Variants in ERBB4 observed in about 807,000 individuals in gnomAD.
The protein encoded by ERBB4 is receptor tyrosine-protein kinase erbB-4.
A neutral mutation model predicts 158.0 loss-of-function variants in ERBB4; 42 were observed. That is an observed-to-expected ratio of 0.27 (90% CI 0.21 to 0.34). The LOEUF (loss-of-function observed/expected upper bound fraction) is 0.34. Ranked by LOEUF, ERBB4 falls within the 10% of genes least tolerant of loss-of-function variation. ERBB4 has a pLI of 1.00. For missense variants in ERBB4, 1,333 were observed against 1,624.1 expected (o/e 0.82, Z 3.08); for synonymous variants, 583 against 558.7 (o/e 1.04, Z -0.61).
intron 20 of ERBB4, among the ~76,000 whole-genome samples, chr2:211,521,539 G>A (rs1162245145): frequency 6.6e-6 from 1 of 152,180 alleles, no homozygotes; most frequent in Non-Finnish European, 1.5e-5. Flanking sequence ...GCTGTAGCAA[G>A]TTATCCAGAA....
intron 7 of ERBB4, among the ~76,000 whole-genome samples, chr2:211,715,957 G>C (rs2073881205): frequency 1.3e-5 from 2 of 152,178 alleles, no homozygotes; most frequent in Admixed American, 6.5e-5. Flanking sequence ...ATTATAATTA[G>C]TCTTATATCA....
chr2:211,466,600 G>T (rs1005186019), intron 20 of ERBB4, among the ~76,000 whole-genome samples: 22 of 152,002 alleles, frequency 1.4e-4, no homozygotes, highest in Admixed American at 4.6e-4. Context: ...TCTGTGGGTG[G>T]CAGAAATAAA....
intron 1 of ERBB4, among the ~76,000 whole-genome samples, chr2:212,199,034 G>A (rs528611271): frequency 8.7e-4 from 132 of 152,080 alleles, no homozygotes; most frequent in Non-Finnish European, 1.5e-3. Context: ...GTGGAATTAC[G>A]GTAATTTTAT....
At chr2:212,046,105 A>AT (rs1021292597) in intron 2 of ERBB4, among the ~76,000 whole-genome samples, 3 of 152,190 alleles carry the variant, frequency 2.0e-5, no homozygotes, top group Non-Finnish European at 2.9e-5. Context: ...ATCCATGTTA[A>AT]TTTTTTTCAG....
intron 20 of ERBB4, among the ~76,000 whole-genome samples, chr2:211,523,350 T>C (rs1200159142): frequency 6.6e-6 from 1 of 150,512 alleles, no homozygotes; most frequent in Admixed American, 6.7e-5. Flanking sequence ...GAGAGTGCAG[T>C]GCTTTTGAGA....
chr2:212,444,468 G>A (rs184575952), intron 1 of ERBB4, among the ~76,000 whole-genome samples: 119 of 152,278 alleles, frequency 7.8e-4, no homozygotes, highest in African/African-American at 2.8e-3. Context: ...AAAGAAATCT[G>A]GGGAAGAGGT....
At chr2:212,428,710 A>G (rs950278717) in intron 1 of ERBB4, among the ~76,000 whole-genome samples, 2 of 152,206 alleles carry the variant, frequency 1.3e-5, no homozygotes, top group Admixed American at 6.6e-5. Flanking sequence ...AATAAAGTAA[A>G]ATAAAACCTT....
rs1330867161 is a variant in ERBB4, at chr2:211,379,913, CT to C, written c.*3701del. The C allele has an allele frequency of 1.3e-5, 3 of 231,940 alleles. No homozygotes were observed. Among genetic ancestry groups the C allele is most frequent in the African/African-American group, 6.6e-5 (3 of 45,214 alleles). The allele number at this position is 231,940 out of a possible 1,614,324, so 14.4% of individuals were successfully genotyped here. Reference sequence around the variant, plus strand: ...AGAAGCACATTAATAGTCCTTCCAACTTCATCTAGTAGCAGAGCCTCACACA... The same window carrying C: ...AGAAGCACATTAATAGTCCTTCCAACTCATCTAGTAGCAGAGCCTCACACA... On this transcript the variant is annotated 3_prime_UTR_variant, in exon 28 of 28. Transcript: ENST00000342788.
At chr2:212,160,820 C>T (rs1241260671) in intron 1 of ERBB4, among the ~76,000 whole-genome samples, 2 of 151,986 alleles carry the variant, frequency 1.3e-5, no homozygotes, top group African/African-American at 4.8e-5. Context: ...GATACTTTCA[C>T]CTTTGTGAGA....
intron 3 of ERBB4, among the ~76,000 whole-genome samples, chr2:211,798,048 A>T (rs2076418848): frequency 6.6e-6 from 1 of 152,064 alleles, no homozygotes; most frequent in Admixed American, 6.6e-5. Flanking sequence ...TTACATATAC[A>T]TGTATACAAT....
intron 1 of ERBB4, among the ~76,000 whole-genome samples, chr2:212,256,018 G>GT (rs1553605810): frequency 4.0e-5 from 2 of 50,380 alleles, no homozygotes; most frequent in East Asian, 2.8e-3. Flanking sequence ...TTTTACAAAT[G>GT]GGGGGGGGTC....
chr2:211,563,132 A>T (rs1030495909), intron 19 of ERBB4, among the ~76,000 whole-genome samples: 1 of 152,184 alleles, frequency 6.6e-6, no homozygotes, highest in Non-Finnish European at 1.5e-5. Flanking sequence ...ATAAAAGTGG[A>T]CATATGATGG....
intron 1 of ERBB4, among the ~76,000 whole-genome samples, chr2:212,526,757 T>A (rs1225767594): frequency 6.6e-6 from 1 of 152,104 alleles, no homozygotes; most frequent in African/African-American, 2.4e-5. Flanking sequence ...CTAGTTAAAA[T>A]TTTTTAAATG....
At chr2:212,230,890 T>G (rs942548042) in intron 1 of ERBB4, among the ~76,000 whole-genome samples, 1 of 152,204 alleles carries the variant, frequency 6.6e-6, no homozygotes, top group Non-Finnish European at 1.5e-5. Context: ...GTACTTATTA[T>G]GGAACTTTTA....
intron 1 of ERBB4, among the ~76,000 whole-genome samples, chr2:212,133,366 C>T (rs189680554): frequency 5.0e-4 from 75 of 150,634 alleles, no homozygotes; most frequent in Admixed American, 4.5e-3. Context: ...GGTTCCCATA[C>T]ATTGTGTTCT....
chr2:211,961,995 T>C (rs1324916236), intron 2 of ERBB4, among the ~76,000 whole-genome samples: 4 of 152,052 alleles, frequency 2.6e-5, no homozygotes, highest in South Asian at 2.1e-4. Context: ...TGGTTACTTT[T>C]GGGGAGAAAA....
chr2:212,355,467 T>C (rs1234160876), intron 1 of ERBB4, among the ~76,000 whole-genome samples: 2 of 152,040 alleles, frequency 1.3e-5, no homozygotes, highest in Non-Finnish European at 2.9e-5. Context: ...TCATTGTATG[T>C]TGAGTGGCAC....
At chr2:212,488,874 C>T in intron 1 of ERBB4, among the ~76,000 whole-genome samples, 1 of 150,508 alleles carries the variant, frequency 6.6e-6, no homozygotes, top group Non-Finnish European at 1.5e-5. Flanking sequence ...CTTGTGGTCA[C>T]TCCCTCAAAC....
chr2:212,437,487 T>C (rs76674404), intron 1 of ERBB4, among the ~76,000 whole-genome samples: 27 of 106,440 alleles, frequency 2.5e-4, no homozygotes, highest in African/African-American at 1.3e-3. Flanking sequence ...ATTCATGTTC[T>C]GATACAAAAA....
Sources: allele counts gnomAD v4.1 joint callset (sites outside exome capture counted in the v4.1 genomes callset), GRCh38; gene constraint gnomAD v4.1.1; transcripts MANE v1.5; gene names NCBI Gene and HGNC (gene_info 2026-07-23, HGNC 2026-07-21).